The following CTNNA3 variants were observed in gnomAD, a reference collection of about 807,000 sequenced individuals.
CTNNA3 encodes catenin alpha 3, also known as catenin alpha-3.
CTNNA3 carries 76 observed loss-of-function variants against 95.7 expected under a neutral mutation model. The ratio of observed to expected loss-of-function variants is 0.79; its 90% CI spans 0.66 to 0.96. The LOEUF (loss-of-function observed/expected upper bound fraction) is 0.96. Among genes scored for constraint, CTNNA3 ranks in the 40% least tolerant of loss-of-function variants. The probability of loss-of-function intolerance (pLI) is 0.00; values close to 1 mark genes in which losing one functional copy is unlikely to be tolerated. For missense variants in CTNNA3, 1,191 were observed against 1,089.8 expected (o/e 1.09, Z -1.31); for synonymous variants, 431 against 374.4 (o/e 1.15, Z -1.74).
intron 13 of CTNNA3, among the ~76,000 whole-genome samples, chr10:66,243,715 C>G (rs1364347729): frequency 6.6e-6 from 1 of 152,158 alleles, no homozygotes; most frequent in Admixed American, 6.5e-5. Context: ...TCTCCTGAGG[C>G]TGAGTCATGA....
chr10:66,093,140 AG>A (rs1165061722), intron 14 of CTNNA3, among the ~76,000 whole-genome samples: 3 of 151,964 alleles, frequency 2.0e-5, no homozygotes, highest in Non-Finnish European at 4.4e-5. Flanking sequence ...CTCGTATATA[AG>A]AAGTTTTGGA....
intron 5 of CTNNA3, among the ~76,000 whole-genome samples, chr10:67,386,732 T>C (rs913713987): frequency 2.6e-5 from 4 of 152,224 alleles, no homozygotes; most frequent in Non-Finnish European, 5.9e-5. Context: ...GGGGTTTCAT[T>C]TACTTATGAC....
intron 9 of CTNNA3, among the ~76,000 whole-genome samples, chr10:66,711,122 A>G (rs1040797079): frequency 6.6e-6 from 1 of 151,946 alleles, no homozygotes; most frequent in African/African-American, 2.4e-5. Flanking sequence ...ACATAATCCT[A>G]TTTTCTACCA....
intron 15 of CTNNA3, among the ~76,000 whole-genome samples, chr10:66,036,515 C>T (rs1379318885): frequency 1.3e-5 from 2 of 152,086 alleles, no homozygotes; most frequent in African/African-American, 2.4e-5. Flanking sequence ...GCTGGGATTA[C>T]AGGCATGTAC....
At chr10:67,486,342 C>T (rs1257289303) in intron 5 of CTNNA3, among the ~76,000 whole-genome samples, 1 of 151,140 alleles carries the variant, frequency 6.6e-6, no homozygotes, top group Non-Finnish European at 1.5e-5. Flanking sequence ...TATATGGGTT[C>T]ATGACCCTCC....
chr10:67,272,527 T>C (rs927537045), intron 5 of CTNNA3, among the ~76,000 whole-genome samples: 1 of 152,154 alleles, frequency 6.6e-6, no homozygotes, highest in African/African-American at 2.4e-5. Flanking sequence ...CACTCCAGCC[T>C]GAGCGATAGG....
chr10:66,783,400 T>C (rs1212515798), intron 7 of CTNNA3, among the ~76,000 whole-genome samples: 1 of 152,172 alleles, frequency 6.6e-6, no homozygotes, highest in Non-Finnish European at 1.5e-5. Context: ...TTGCACATTA[T>C]GTCTTTACTG....
chr10:67,726,647 C>CTATAATATATTATATATTATATTAATTA (rs1841229773), intron 1 of CTNNA3, among the ~76,000 whole-genome samples: 2 of 3,716 alleles, frequency 5.4e-4, no homozygotes, highest in African/African-American at 1.9e-3. Context: ...ATAATATATA[C>CTATAATATATTATATATTATATTAATTA]TATAATATAT....
At chr10:66,367,884 AT>A (rs1564903315) in intron 12 of CTNNA3, among the ~76,000 whole-genome samples, 311 of 20,638 alleles carry the variant, frequency 0.015, 3 homozygotes, top group African/African-American at 0.062. Context: ...AATAATAATT[AT>A]TATTATTATT....
intron 5 of CTNNA3, among the ~76,000 whole-genome samples, chr10:67,404,164 C>T (rs1157368986): frequency 1.3e-5 from 2 of 152,088 alleles, no homozygotes; most frequent in Non-Finnish European, 2.9e-5. Context: ...ATGACCACAA[C>T]ACCTCTCCAG....
chr10:67,572,801 G>T (rs1842019804), intron 3 of CTNNA3, among the ~76,000 whole-genome samples: 1 of 152,080 alleles, frequency 6.6e-6, no homozygotes, highest in Non-Finnish European at 1.5e-5. Flanking sequence ...ATGATCGAAA[G>T]CTATGTTGGG....
intron 5 of CTNNA3, among the ~76,000 whole-genome samples, chr10:67,380,101 A>C (rs1459009910): frequency 6.6e-6 from 1 of 152,124 alleles, no homozygotes; most frequent in Non-Finnish European, 1.5e-5. Flanking sequence ...CCTGTTATCA[A>C]ACTAATCTAA....
intron 13 of CTNNA3, among the ~76,000 whole-genome samples, chr10:66,104,272 A>G (rs994186570): frequency 6.6e-6 from 1 of 152,102 alleles, no homozygotes; most frequent in Non-Finnish European, 1.5e-5. Flanking sequence ...TTTATCTGCC[A>G]TAATGATCAT....
intron 5 of CTNNA3, among the ~76,000 whole-genome samples, chr10:67,257,114 A>G (rs1866383529): frequency 6.6e-6 from 1 of 152,216 alleles, no homozygotes; most frequent in Non-Finnish European, 1.5e-5. Context: ...TTATAACTAT[A>G]AAACAATATC....
intron 7 of CTNNA3, among the ~76,000 whole-genome samples, chr10:66,816,877 T>C (rs1019842658): frequency 6.6e-6 from 1 of 151,978 alleles, no homozygotes; most frequent in Non-Finnish European, 1.5e-5. Flanking sequence ...GAAGAAACAT[T>C]GGGAAATTCA....
chr10:66,338,453 C>T (rs191055583), intron 12 of CTNNA3, among the ~76,000 whole-genome samples: 2 of 151,954 alleles, frequency 1.3e-5, no homozygotes, highest in East Asian at 3.9e-4. Flanking sequence ...ACAGAATAAG[C>T]CTCAAAAAGT....
intron 15 of CTNNA3, among the ~76,000 whole-genome samples, chr10:65,992,119 T>A (rs975466687): frequency 3.3e-5 from 5 of 152,220 alleles, no homozygotes; most frequent in African/African-American, 1.2e-4. Flanking sequence ...ACATGTGTTA[T>A]CTTTTTGGTG....
intron 13 of CTNNA3, among the ~76,000 whole-genome samples, chr10:66,185,809 T>C (rs2086304102): frequency 6.6e-6 from 1 of 152,020 alleles, no homozygotes; most frequent in Non-Finnish European, 1.5e-5. Flanking sequence ...AGGGTAGTTG[T>C]GGATTTTTTA....
chr10:67,486,006 T>C (rs189968974), intron 5 of CTNNA3, among the ~76,000 whole-genome samples: 34 of 152,342 alleles, frequency 2.2e-4, no homozygotes, highest in African/African-American at 7.9e-4. Context: ...AAGCCTTTTA[T>C]GTTATAAAGC....
Sources: allele counts gnomAD v4.1 joint callset (sites outside exome capture counted in the v4.1 genomes callset), GRCh38; gene constraint gnomAD v4.1.1; transcripts MANE v1.5; gene names NCBI Gene and HGNC (gene_info 2026-07-23, HGNC 2026-07-21).